Variants in FKBP5 observed in about 807,000 individuals in gnomAD.
FKBP5 encodes peptidyl-prolyl cis-trans isomerase FKBP5.
Under a neutral mutation model 50.5 loss-of-function variants are expected in FKBP5, and 23 were observed. The observed-to-expected ratio is 0.46, with a 90% CI of 0.33 to 0.65. FKBP5 has a LOEUF of 0.65. Ranked by LOEUF, FKBP5 falls within the 30% of genes least tolerant of loss-of-function variation. FKBP5 has a pLI of 0.02. For missense variants in FKBP5, 411 were observed against 553.1 expected (o/e 0.74, Z 2.58); for synonymous variants, 176 against 190.6 (o/e 0.92, Z 0.63).
At chr6:35,669,308 G>C (rs1395678928) in intron 1 of FKBP5, among the ~76,000 whole-genome samples, 1 of 152,140 alleles carries the variant, frequency 6.6e-6, no homozygotes, top group Non-Finnish European at 1.5e-5. Context: ...TTTCTTGAAA[G>C]AATATAGCTG....
rs180923765 is a variant in FKBP5 at position 35,583,891 on chromosome 6, G to A, written c.840+3143C>T. Reference sequence around the variant, plus strand: ...ATTACTGGTATCTTGGAACAGCAAGGGTGGTGAAAATATAGCAAAGCCCGA... The same window carrying A: ...ATTACTGGTATCTTGGAACAGCAAGAGTGGTGAAAATATAGCAAAGCCCGA... On this transcript the variant is annotated intron_variant, in intron 8 of 10. Coordinates refer to ENST00000357266, the MANE Select transcript of FKBP5 (RefSeq NM_004117.4). 7,406 of 985,304 alleles carry A rather than the reference G, an allele frequency of 7.5e-3. 31 individuals carry two copies. Among genetic ancestry groups the A allele is most frequent in the Non-Finnish European group, 8.6e-3 (7,155 of 829,910 alleles). The allele number at this position is 985,304 out of a possible 1,614,324, so 61.0% of individuals were successfully genotyped here. A position where few individuals can be genotyped will look rare whatever the true frequency, so the allele number is the denominator to read the frequency against.
chr6:35,580,437 CTG>C, intron 8 of FKBP5: 1 of 425,824 alleles, frequency 2.3e-6, no homozygotes, highest in Non-Finnish European at 4.2e-6. Flanking sequence ...CTGCCTAGTG[CTG>C]CTCTGCAGCA....
chr6:35,577,686 C>A (rs1005786720), intron 9 of FKBP5, among the ~76,000 whole-genome samples: 2 of 152,136 alleles, frequency 1.3e-5, no homozygotes, highest in Non-Finnish European at 2.9e-5. Flanking sequence ...TTGAAAATGA[C>A]AAAGGTGGTA....
At chr6:35,694,978 C>A (rs1766059596) in intron 2 of FKBP5, among the ~76,000 whole-genome samples, 1 of 152,084 alleles carries the variant, frequency 6.6e-6, no homozygotes, top group Admixed American at 6.6e-5. Context: ...AATAAATAAA[C>A]AAATGGCATG....
At chr6:35,649,105 G>C (rs1347493080) in intron 1 of FKBP5, among the ~76,000 whole-genome samples, 1 of 151,854 alleles carries the variant, frequency 6.6e-6, no homozygotes, top group Non-Finnish European at 1.5e-5. Flanking sequence ...CAAAATATTA[G>C]CCGGGCGTGG....
At chr6:35,580,442 C>G in intron 8 of FKBP5, 1 of 410,540 alleles carries the variant, frequency 2.4e-6, no homozygotes, top group Non-Finnish European at 4.3e-6. Flanking sequence ...TAGTGCTGCT[C>G]TGCAGCATTT....
chr6:35,692,826 G>T (rs1581890150), upstream of FKBP5, among the ~76,000 whole-genome samples: 1 of 150,206 alleles, frequency 6.7e-6, no homozygotes, highest in Non-Finnish European at 1.5e-5. Flanking sequence ...ATACACGGTA[G>T]AGTGGATATC....
chr6:35,615,893 A>G (rs1008112896), intron 5 of FKBP5, among the ~76,000 whole-genome samples: 16 of 152,232 alleles, frequency 1.1e-4, no homozygotes, highest in Non-Finnish European at 1.2e-4. Flanking sequence ...AATATCATAT[A>G]CCTCTTGATA....
intron 1 of FKBP5, among the ~76,000 whole-genome samples, chr6:35,663,962 G>C (rs551338958): frequency 6.6e-6 from 1 of 152,206 alleles, no homozygotes; most frequent in Non-Finnish European, 1.5e-5. Flanking sequence ...TAATGGACGA[G>C]CTAAGTAATC....
chr6:35,677,262 A>G lies in FKBP5; in HGVS notation c.-20+11542T>C, dbSNP rs530189144. ...CTAATTTTTTGTATTTTTAGTAGAG[A>G]CGGGGTTTCACTGTGTTAGCCAGAG... is the stretch of plus-strand genomic sequence containing the variant. On this transcript the variant is annotated intron_variant, in intron 1 of 10. Coordinates refer to ENST00000357266, the MANE Select transcript of FKBP5 (RefSeq NM_004117.4). 1.3e-3 allele frequency among the ~76,000 whole-genome samples: 205 copies of G among 151,966 alleles called. 1 individual carries two copies. Among genetic ancestry groups the G allele is most frequent in the African/African-American group, 4.8e-3 (197 of 41,404 alleles).
chr6:35,600,900 T>A (rs1763125787), intron 5 of FKBP5, among the ~76,000 whole-genome samples: 1 of 152,196 alleles, frequency 6.6e-6, no homozygotes, highest in South Asian at 2.1e-4. Flanking sequence ...TCTCTTTAGA[T>A]GTGATAACCC....
chr6:35,607,700 AG>A, intron 5 of FKBP5: 1 of 160,198 alleles, frequency 6.2e-6, no homozygotes, highest in South Asian at 1.7e-4. Flanking sequence ...GAGGACGCCC[AG>A]GCACAGCCGC....
intron 1 of FKBP5, among the ~76,000 whole-genome samples, chr6:35,656,622 G>A (rs1764956578): frequency 6.6e-6 from 1 of 152,182 alleles, no homozygotes; most frequent in African/African-American, 2.4e-5. Flanking sequence ...GGGCAAAGTG[G>A]CTCATGCCTG....
At position 35,725,841 on chromosome 6, in the gene FKBP5, T is replaced by A. The variant is rs79163804; in HGVS notation, c.-241+2667A>T. The stretch of plus-strand genomic sequence containing the variant: ...TTTTTGAGAGCTGTGAGCACTAAAA[T>A]GGGGAGGGAAGAGAGCAGAGGTTCC... On this transcript the variant is annotated intron_variant, in intron 1 of 11. Coordinates refer to the FKBP5 transcript ENST00000536438. Among the ~76,000 whole-genome samples, 26 of 152,238 alleles carry A rather than the reference T, an allele frequency of 1.7e-4. No individual in the cohort carries two copies. In the East Asian group the frequency reaches 4.4e-3, roughly 26 times the overall value.
At chr6:35,711,131 G>A (rs1766404644) in intron 2 of FKBP5, among the ~76,000 whole-genome samples, 2 of 151,920 alleles carry the variant, frequency 1.3e-5, no homozygotes, top group African/African-American at 4.8e-5. Flanking sequence ...ACCAGCTTGG[G>A]CAACATGGTG....
Position 35,636,696 on chromosome 6 carries a change from G to C in FKBP5, c.250+318C>G, listed in dbSNP as rs566050122. ...GGCAGTGGAAAATACCATGACTACTGGAACAGCTGGTTACCACTGCCTTGA... is the reference window on the plus strand; with the variant it reads ...GGCAGTGGAAAATACCATGACTACTCGAACAGCTGGTTACCACTGCCTTGA... On this transcript the variant is annotated intron_variant, in intron 3 of 10. Transcript: ENST00000357266. Among the ~76,000 whole-genome samples, 12 of 152,254 alleles carry C rather than the reference G, an allele frequency of 7.9e-5. No individual in the cohort carries two copies. In the East Asian group the frequency reaches 2.3e-3, roughly 29 times the overall value.
At chr6:35,680,881 T>C (rs1422429753) in intron 1 of FKBP5, among the ~76,000 whole-genome samples, 1 of 152,236 alleles carries the variant, frequency 6.6e-6, no homozygotes, top group African/African-American at 2.4e-5. Context: ...TATTGCTAGG[T>C]TTCAGTCACA....
At chr6:35,582,372 T>C in intron 8 of FKBP5, 1 of 844,194 alleles carries the variant, frequency 1.2e-6, no homozygotes, top group Non-Finnish European at 1.4e-6. Flanking sequence ...TATTTGCAGA[T>C]GGAGCATTTG....
intron 2 of FKBP5, among the ~76,000 whole-genome samples, chr6:35,696,515 A>G (rs1766084483): frequency 6.6e-6 from 1 of 151,572 alleles, no homozygotes; most frequent in Admixed American, 6.6e-5. Context: ...CTGTCTCAAA[A>G]AAAAAAAAAA....
Sources: gnomAD v4.1 joint callset for allele counts (sites outside exome capture counted in the v4.1 genomes callset) on GRCh38, gnomAD v4.1.1 for gene constraint, MANE v1.5 for transcripts, NCBI Gene and HGNC (gene_info 2026-07-23, HGNC 2026-07-21) for gene names.